Variants in GTF2IRD1 observed in about 807,000 individuals in gnomAD.
GTF2IRD1 encodes the protein GTF2I repeat domain containing 1, also known as general transcription factor II-I repeat domain-containing protein 1.
A neutral mutation model predicts 113.2 loss-of-function variants in GTF2IRD1; 26 were observed. That is an observed-to-expected ratio of 0.23 (90% CI 0.17 to 0.32). The LOEUF is 0.32. GTF2IRD1 is among the 10% of genes least tolerant of loss of function. The pLI is 1.00. For synonymous variants in GTF2IRD1, 484 were observed against 529.1 expected, an observed-to-expected ratio of 0.91 and a Z score of 1.17; for missense variants, 864 against 1,280.8, an observed-to-expected ratio of 0.67 and a Z score of 4.97.
intron 22 of GTF2IRD1, chr7:74,572,494 T>G (rs1800753729): frequency 1.5e-6 from 1 of 671,464 alleles, no homozygotes. Flanking sequence ...ATAAGTTAAC[T>G]TACTGTCTTT....
At chr7:74,513,871 G>A (rs1796772800) in intron 3 of GTF2IRD1, among the ~76,000 whole-genome samples, 1 of 152,138 alleles carries the variant, frequency 6.6e-6, no homozygotes, top group Non-Finnish European at 1.5e-5. Context: ...AAATTAACCA[G>A]GCTTGATGGT....
rs576944818 is a variant in GTF2IRD1 at position 74,512,551 on chromosome 7, G to T, written c.124-279G>T. On this transcript the variant is annotated intron_variant, in intron 2 of 26. Transcript: ENST00000424337. This position sits in a 1 kb window ranked among gnomAD's most constrained non-coding sequence, Gnocchi z 4.4. ...AACCCAGCACGGCATTGTCCCTGGGGCTGGGGCTAAGGGGGGCCTACCCCA... is the reference window on the plus strand; with the variant it reads ...AACCCAGCACGGCATTGTCCCTGGGTCTGGGGCTAAGGGGGGCCTACCCCA... Among the ~76,000 whole-genome samples the T allele has an allele frequency of 2.3e-4, 35 of 152,174 alleles. No individual in the cohort carries two copies. The highest frequency in any genetic ancestry group is 4.1e-4 in the Non-Finnish European group (28 of 68,034).
Position 74,539,972 on chromosome 7 carries a change from A to G in GTF2IRD1, c.1618+4A>G, listed in dbSNP as rs1798539321. ...TATGGGATGGAGATGCTGACAGGTA[A>G]GAAATGGACCTGGGCTGGTGGTGCT... On this transcript the variant is annotated splice_donor_region_variant and intron_variant, in intron 14 of 26. Coordinates refer to ENST00000424337, the MANE Select transcript of GTF2IRD1 (RefSeq NM_005685.4). The G allele has an allele frequency of 6.2e-7, 1 of 1,604,366 alleles. No homozygotes were observed. The highest frequency in any genetic ancestry group is 1.3e-5 in the African/African-American group (1 of 74,684).
At chr7:74,520,701 G>A (rs782429693) in intron 6 of GTF2IRD1, among the ~76,000 whole-genome samples, 15 of 148,874 alleles carry the variant, frequency 1.0e-4, no homozygotes, top group Non-Finnish European at 1.6e-4. Flanking sequence ...GGAGGCTGAG[G>A]TGGAAGGATT....
chr7:74,537,602 A>T (rs1468646783), intron 11 of GTF2IRD1, among the ~76,000 whole-genome samples: 2 of 151,862 alleles, frequency 1.3e-5, no homozygotes, highest in Non-Finnish European at 2.9e-5. Flanking sequence ...AACACCCCCC[A>T]AGCACATTCT....
At chr7:74,584,408 G>A (rs2130961128) in intron 22 of GTF2IRD1, among the ~76,000 whole-genome samples, 1 of 152,224 alleles carries the variant, frequency 6.6e-6, no homozygotes, top group African/African-American at 2.4e-5. Flanking sequence ...TCATGCCACT[G>A]CACTCCAGCC....
intron 1 of GTF2IRD1, among the ~76,000 whole-genome samples, chr7:74,496,058 CTGTA>C (rs1350695183): frequency 1.3e-5 from 2 of 150,846 alleles, no homozygotes; most frequent in East Asian, 2.0e-4. Flanking sequence ...ACACATGTGT[CTGTA>C]TGTGTGGACA....
rs1554345110 is a variant in GTF2IRD1, at chr7:74,518,225, CCCGAAGGCCTGGCCTT to C, written c.518_533del (p.Leu173GlnfsTer40). The C allele has an allele frequency of 1.2e-6, 2 of 1,611,502 alleles. No individual in the cohort carries two copies. Among genetic ancestry groups the C allele is most frequent in the East Asian group, 2.2e-5 (1 of 44,842 alleles). On this transcript the variant is annotated frameshift_variant, in exon 5 of 27. Transcript: ENST00000424337. LOFTEE classifies it high-confidence loss of function. Reference sequence around the variant, plus strand: ...AGGGCTGCTGGCCGTGCAGGGGCTGCCCGAAGGCCTGGCCTTCCGAAGGCCAGCCGAGTATGACCCC... The same window carrying C: ...AGGGCTGCTGGCCGTGCAGGGGCTGCCCGAAGGCCAGCCGAGTATGACCCC...
At chr7:74,534,676 G>A (rs1032518877) in intron 9 of GTF2IRD1, among the ~76,000 whole-genome samples, 6 of 151,990 alleles carry the variant, frequency 3.9e-5, no homozygotes, top group Non-Finnish European at 7.4e-5. Flanking sequence ...TCGCGCCACT[G>A]CACTCCAGCC....
intron 3 of GTF2IRD1, 165 bp from the exon 4 acceptor site, chr7:74,515,276 T>A: frequency 7.0e-7 from 1 of 1,431,008 alleles, no homozygotes; most frequent in Non-Finnish European, 9.4e-7. Flanking sequence ...GTGGGGTGGT[T>A]GGAATAGGGC....
At chr7:74,544,385 C>G (rs1664680868) in intron 14 of GTF2IRD1, among the ~76,000 whole-genome samples, 1 of 152,156 alleles carries the variant, frequency 6.6e-6, no homozygotes. Context: ...AGCATTTCCC[C>G]ATGTTGGCCA....
intron 6 of GTF2IRD1, 53 bp downstream of exon 6, chr7:74,519,772 A>T (rs921367979): frequency 7.3e-5 from 96 of 1,321,358 alleles, no homozygotes; most frequent in Non-Finnish European, 9.4e-5. Context: ...GAGGTCACTC[A>T]TGCAGGGGAC....
rs587753980 is a variant in GTF2IRD1 at position 74,555,461 on chromosome 7, G to A, written c.1990G>A (p.Val664Met). 2.2e-5 allele frequency: 36 copies of A among 1,613,206 alleles called. No homozygotes were observed. In the South Asian group the frequency reaches 3.3e-4, roughly 15 times the overall value. ...SQERDSGDPLVDESLKRQGFQ... is the reference protein window; with the variant it reads ...SQERDSGDPLMDESLKRQGFQ... ...AGAGAGGGATTCCGGGGACCCTCTGGTGGACGAGAGCCTGAAGAGACAGGG... is the reference window on the plus strand; with the variant it reads ...AGAGAGGGATTCCGGGGACCCTCTGATGGACGAGAGCCTGAAGAGACAGGG... The change falls in exon 19 of 27, where the codon GTG (valine) becomes ATG (methionine). Residue 664 changes from valine (V) to methionine (M), a missense_variant. By Grantham distance (21) the Val-to-Met change is conservative (BLOSUM62 1). This residue lies in a region of GTF2IRD1 where 195 missense variants were observed against 359.1 expected (regional missense o/e 0.54). Transcript: ENST00000424337. This position sits in a 1 kb window ranked among gnomAD's most constrained non-coding sequence, Gnocchi z 5.3.
rs2267825 is a variant in GTF2IRD1, at chr7:74,512,535, C to T, written c.124-295C>T. ...TGAGAGGGGCCAAGAAAACCCAGCA[C>T]GGCATTGTCCCTGGGGCTGGGGCTA... On this transcript the variant is annotated intron_variant, in intron 2 of 26. Transcript: ENST00000424337. The surrounding 1 kb of genome is among the most constrained non-coding windows in gnomAD (Gnocchi z 4.4). Among the ~76,000 whole-genome samples, 3,829 of 152,244 alleles carry T rather than the reference C, an allele frequency of 0.025. 409 individuals carry two copies. In the East Asian group the frequency reaches 0.35, roughly 14 times the overall value.
intron 1 of GTF2IRD1, among the ~76,000 whole-genome samples, chr7:74,493,538 C>T (rs1400331694): frequency 1.3e-5 from 2 of 152,120 alleles, no homozygotes; most frequent in Non-Finnish European, 2.9e-5. Context: ...GTAACACAGG[C>T]TCTGGGGATT....
chr7:74,490,687 C>T (rs1375366610), intron 1 of GTF2IRD1, among the ~76,000 whole-genome samples: 6 of 151,658 alleles, frequency 4.0e-5, no homozygotes, highest in African/African-American at 9.7e-5. Flanking sequence ...TTGCCTTTTA[C>T]GTGGTTGGGT....
chr7:74,527,365 G>A (rs1471055741), intron 8 of GTF2IRD1, among the ~76,000 whole-genome samples: 1 of 152,148 alleles, frequency 6.6e-6, no homozygotes, highest in Non-Finnish European at 1.5e-5. Flanking sequence ...GGTAACACAT[G>A]CCTGTAGTCC....
At chr7:74,593,729 T>A (rs1802218585) in intron 24 of GTF2IRD1, among the ~76,000 whole-genome samples, 1 of 124,306 alleles carries the variant, frequency 8.0e-6, no homozygotes. Flanking sequence ...CGAGACTCCA[T>A]CTCAAAAAAA....
chr7:74,466,538 C>G (rs1367751113), intron 1 of GTF2IRD1, among the ~76,000 whole-genome samples: 1 of 152,116 alleles, frequency 6.6e-6, no homozygotes, highest in African/African-American at 2.4e-5. Context: ...TGCTCCGTCT[C>G]GCTTCCTGGA....
Sources: allele counts gnomAD v4.1 joint callset (sites outside exome capture counted in the v4.1 genomes callset), GRCh38; gene constraint gnomAD v4.1.1; regional missense constraint gnomAD v4.1.1; non-coding constraint Gnocchi (gnomAD v3.1); transcripts MANE v1.5; gene names NCBI Gene and HGNC (gene_info 2026-07-23, HGNC 2026-07-21).